Variants in AARS2 observed in about 807,000 individuals in gnomAD.
AARS2 encodes alanine--tRNA ligase, mitochondrial.
A neutral mutation model predicts 119.7 loss-of-function variants in AARS2; 78 were observed. The observed-to-expected ratio is 0.65, with a 90% CI of 0.54 to 0.79. The LOEUF is 0.79. Ranked by LOEUF, AARS2 falls within the 30% of genes least tolerant of loss-of-function variation. The pLI is 0.00. For missense variants in AARS2, 1,157 were observed against 1,291.3 expected (o/e 0.90, Z 1.59); for synonymous variants, 502 against 526.3 (o/e 0.95, Z 0.63).
chr6:44,303,006 A>T (rs1785490197), intron 16 of AARS2, 60 bp downstream of exon 16: 2 of 1,607,308 alleles, frequency 1.2e-6, no homozygotes, highest in South Asian at 2.2e-5. Flanking sequence ...GGCTCCAAAG[A>T]CCAAGGGAAG....
chr6:44,313,177 G>C lies in AARS2; in HGVS notation c.147C>G (p.Phe49Leu). Residue 49 changes from phenylalanine to leucine, a missense_variant, in exon 1 of 22, where the codon TTC becomes TTG. Transcript: ENST00000244571. ...ASAVRAAFLN[F>L]FRDRHGHRLV... is the part of the protein sequence containing the mutation. Reference sequence around the variant, plus strand: ...GCCGGTGGCCATGGCGGTCCCGAAAGAAGTTCAGAAAGGCGGCCCTCACGG... The same window carrying C: ...GCCGGTGGCCATGGCGGTCCCGAAACAAGTTCAGAAAGGCGGCCCTCACGG... 1 of 1,612,910 alleles carries C rather than the reference G, an allele frequency of 6.2e-7. No individual in the cohort carries two copies. Among genetic ancestry groups the C allele is most frequent in the Non-Finnish European group, 8.5e-7 (1 of 1,179,708 alleles).
In AARS2 at chr6:44,300,348, G is replaced by A. The variant is rs1196455806; in HGVS notation, c.*199C>T. The stretch of plus-strand genomic sequence containing the variant: ...GTCTTCTCTTTCACCAAGGGGGTGT[G>A]TGTCTTTGGGCCCAGTTCTGCCTTC... On this transcript the variant is annotated 3_prime_UTR_variant, in exon 22 of 22. Coordinates refer to ENST00000244571, the MANE Select transcript of AARS2 (RefSeq NM_020745.4). 1 of 678,302 alleles carries A rather than the reference G, an allele frequency of 1.5e-6. No individual in the cohort carries two copies. Among genetic ancestry groups the A allele is most frequent in the Non-Finnish European group, 2.6e-6 (1 of 391,888 alleles). The allele number at this position is 678,302 out of a possible 1,614,324, so 42.0% of individuals were successfully genotyped here. A position where few individuals can be genotyped will look rare whatever the true frequency, so the allele number is the denominator to read the frequency against.
chr6:44,312,649 T>C (rs1372764283), intron 1 of AARS2, among the ~76,000 whole-genome samples: 1 of 152,158 alleles, frequency 6.6e-6, no homozygotes, highest in Admixed American at 6.5e-5. Flanking sequence ...AGACGGCCTC[T>C]AAGGTTAACT....
Position 44,311,090 on chromosome 6 carries a change from C to T in AARS2, c.653G>A (p.Cys218Tyr), listed in dbSNP as rs1300003261. ...NFWEMGDTGP[C>Y]GPCTEIHYDL... ...GTAGTGGATCTCAGTACAGGGCCCACAAGGGCCAGTATCCCCCATCTCCCA... is the reference window on the plus strand; with the variant it reads ...GTAGTGGATCTCAGTACAGGGCCCATAAGGGCCAGTATCCCCCATCTCCCA... The change falls in exon 4 of 22, where the codon TGT (cysteine) becomes TAT (tyrosine). Residue 218 changes from cysteine to tyrosine, a missense_variant. Cys to Tyr is a radical substitution (Grantham distance 194, BLOSUM62 -2). Coordinates refer to ENST00000244571, the MANE Select transcript of AARS2 (RefSeq NM_020745.4). The T allele has an allele frequency of 6.2e-7, 1 of 1,613,968 alleles. No individual in the cohort carries two copies. The highest frequency in any genetic ancestry group is 1.3e-5 in the African/African-American group (1 of 74,932).
In AARS2 at chr6:44,307,412, C is replaced by T. The variant is rs1173146246; in HGVS notation, c.895-18G>A. On this transcript the variant is annotated intron_variant, in intron 5 of 21. Transcript: ENST00000244571. This position sits in a 1 kb window ranked among gnomAD's most constrained non-coding sequence, Gnocchi z 4.4. ...CTGCAGCCCTGGGAAGCAGAAGAGT[C>T]AGCCAGTGGCCCTGCCTGACCTGGC... 12 of 1,589,730 alleles carry T rather than the reference C, an allele frequency of 7.5e-6. No individual in the cohort carries two copies. Among genetic ancestry groups the T allele is most frequent in the Non-Finnish European group, 1.0e-5 (12 of 1,170,196 alleles).
Position 44,306,349 on chromosome 6 carries a change from A to C in AARS2, c.1231T>G (p.Ser411Ala). The change falls in exon 9 of 22, where the codon TCC becomes GCC. Residue 411 changes from serine (S) to alanine (A), a missense_variant. Physicochemically the swap from Ser to Ala is moderately conservative, Grantham distance 99. Transcript: ENST00000244571. ...VSEDEAAFLA[S>A]LERGRRIIDR... ...ATGATCCGCCTACCCCGCTCCAGGG[A>C]GGCCAGGAAGGCTGCCTCGTCCTCT... The C allele has an allele frequency of 2.5e-6, 4 of 1,614,178 alleles. No individual in the cohort carries two copies. The highest frequency in any genetic ancestry group is 3.4e-6 in the Non-Finnish European group (4 of 1,180,018).
At chr6:44,300,744 G>A (rs1200150307) in intron 21 of AARS2, 33 bp from the exon 22 acceptor site, 3 of 1,606,784 alleles carry the variant, frequency 1.9e-6, no homozygotes, top group African/African-American at 2.7e-5. Context: ...AAGCGATGCA[G>A]AGTGGCCCTC....
Position 44,305,679 on chromosome 6 carries a change from C to T in AARS2, c.1408G>A (p.Glu470Lys), listed in dbSNP as rs863223863. 6.2e-7 allele frequency: 1 copy of T among 1,614,134 alleles called. No homozygotes were observed. The highest frequency in any genetic ancestry group is 8.5e-7 in the Non-Finnish European group (1 of 1,180,028). The change falls in exon 10 of 22, where the codon GAG becomes AAG. Residue 470 changes from glutamate to lysine, a missense_variant. Physicochemically the swap from Glu to Lys is moderately conservative, Grantham distance 56. Transcript: ENST00000244571. The surrounding 1 kb of genome is among the most constrained non-coding windows in gnomAD (Gnocchi z 4.6). Reference sequence around the variant, plus strand: ...TGGGCCTCCTCTTGGGCCAACCGCTCCAGTCCAGCGGAGTCTAGCTGGACC... The same window carrying T: ...TGGGCCTCCTCTTGGGCCAACCGCTTCAGTCCAGCGGAGTCTAGCTGGACC... ...KGVQLDSAGL[E>K]RLAQEEAQHR... is the part of the protein sequence containing the mutation.
At position 44,310,855 on chromosome 6, in the gene AARS2, A is replaced by G. The variant is rs10807297; in HGVS notation, c.749+139T>C. 0.17 allele frequency: 172,947 copies of G among 1,022,028 alleles called. 16,516 individuals are homozygous for G. Among genetic ancestry groups the G allele is most frequent in the East Asian group, 0.34 (13,795 of 40,596 alleles). The allele number at this position is 1,022,028 out of a possible 1,614,324, so 63.3% of individuals were successfully genotyped here. A position where few individuals can be genotyped will look rare whatever the true frequency, so the allele number is the denominator to read the frequency against. On this transcript the variant is annotated intron_variant, in intron 4 of 21. Coordinates refer to ENST00000244571, the MANE Select transcript of AARS2 (RefSeq NM_020745.4). The stretch of plus-strand genomic sequence containing the variant: ...TACAATTAAATCAGTTATTATCTAT[A>G]AGGTGTTGAGAATTGTGCCTGACAC...
chr6:44,307,205 A>AC lies in AARS2; in HGVS notation c.1040+43dup. The AC allele has an allele frequency of 1.2e-6, 2 of 1,612,584 alleles. No homozygotes were observed. Among genetic ancestry groups the AC allele is most frequent in the Non-Finnish European group, 1.7e-6 (2 of 1,179,520 alleles). The stretch of plus-strand genomic sequence containing the variant: ...CTGTTCCCTCCCTCCTCCACCTGAG[A>AC]CCCCCAGCAGCCCCTGTCCTCTCTG... On this transcript the variant is annotated intron_variant, in intron 6 of 21. Coordinates refer to ENST00000244571, the MANE Select transcript of AARS2 (RefSeq NM_020745.4). The surrounding 1 kb of genome is among the most constrained non-coding windows in gnomAD (Gnocchi z 4.4).
intron 5 of AARS2, among the ~76,000 whole-genome samples, 199 bp downstream of exon 5, chr6:44,310,100 G>C (rs1042437344): frequency 6.6e-6 from 1 of 152,194 alleles, no homozygotes; most frequent in Non-Finnish European, 1.5e-5. Flanking sequence ...CTAAATAAAT[G>C]AAAGAGGCAA....
In AARS2 at chr6:44,305,545, A is replaced by G; in HGVS notation, c.1434+108T>C. The G allele has an allele frequency of 2.0e-5, 31 of 1,549,832 alleles. No homozygotes were observed. Among genetic ancestry groups the G allele is most frequent in the Non-Finnish European group, 2.7e-5 (31 of 1,127,812 alleles). On this transcript the variant is annotated intron_variant, in intron 10 of 21. Coordinates refer to ENST00000244571, the MANE Select transcript of AARS2 (RefSeq NM_020745.4). This position sits in a 1 kb window ranked among gnomAD's most constrained non-coding sequence, Gnocchi z 4.6. The stretch of plus-strand genomic sequence containing the variant: ...CCTCCCAGGTGAGGGGACAGATCCT[A>G]TCTCAGCCTCTTGATTCCTCTCAAT...
rs766316222 is a variant in AARS2, at chr6:44,313,312, T to G, written c.12A>C (p.Ser4=). The G allele has an allele frequency of 4.4e-6, 7 of 1,602,076 alleles. No homozygotes were observed. Among genetic ancestry groups the G allele is most frequent in the Non-Finnish European group, 5.1e-6 (6 of 1,178,714 alleles). Residue 4 remains serine, a synonymous_variant, in exon 1 of 22, where the codon TCA becomes TCC. Transcript: ENST00000244571. ...GCAGCCTCCGGGCTGCAGCTGCCACTGACGCTGCCATCGTAGCTCCGGGCA... is the reference window on the plus strand; with the variant it reads ...GCAGCCTCCGGGCTGCAGCTGCCACGGACGCTGCCATCGTAGCTCCGGGCA... MAA[S]VAAAARRLRR...
chr6:44,308,583 G>C (rs1239755091), intron 5 of AARS2, among the ~76,000 whole-genome samples: 1 of 151,604 alleles, frequency 6.6e-6, no homozygotes, highest in African/African-American at 2.4e-5. Flanking sequence ...AGTGTGGCAT[G>C]ATCTGATGTA....
Position 44,302,379 on chromosome 6 carries a change from C to A in AARS2, c.2487+12G>T, listed in dbSNP as rs769039074. The A allele has an allele frequency of 1.2e-6, 2 of 1,613,984 alleles. No individual in the cohort carries two copies. Among genetic ancestry groups the A allele is most frequent in the South Asian group, 2.2e-5 (2 of 91,070 alleles). ...GGCTAGGAGAGGGTGGGGTGGTAGGCGTGGCCCTCACTTCAATGAGTCGTC... is the reference window on the plus strand; with the variant it reads ...GGCTAGGAGAGGGTGGGGTGGTAGGAGTGGCCCTCACTTCAATGAGTCGTC... On this transcript the variant is annotated intron_variant, in intron 18 of 21. Coordinates refer to ENST00000244571, the MANE Select transcript of AARS2 (RefSeq NM_020745.4).
At position 44,305,837 on chromosome 6, in the gene AARS2, G is replaced by A; in HGVS notation, c.1301-51C>T. Reference sequence around the variant, plus strand: ...TTGAGGAGGGGAGGGATTAGACAAAGAAGGGGAGAAAAATAAGGTCCAGGG... The same window carrying A: ...TTGAGGAGGGGAGGGATTAGACAAAAAAGGGGAGAAAAATAAGGTCCAGGG... On this transcript the variant is annotated intron_variant, in intron 9 of 21. Coordinates refer to ENST00000244571, the MANE Select transcript of AARS2 (RefSeq NM_020745.4). The surrounding 1 kb of genome is among the most constrained non-coding windows in gnomAD (Gnocchi z 4.6). 1 of 1,608,098 alleles carries A rather than the reference G, an allele frequency of 6.2e-7. No homozygotes were observed. Among genetic ancestry groups the A allele is most frequent in the Non-Finnish European group, 8.5e-7 (1 of 1,175,036 alleles).
chr6:44,299,222 T>TC lies in AARS2; in HGVS notation c.*1324dup, dbSNP rs1159309067. On this transcript the variant is annotated 3_prime_UTR_variant, in exon 22 of 22. Coordinates refer to ENST00000244571, the MANE Select transcript of AARS2 (RefSeq NM_020745.4). ...ACACTCCTGATCCCCATTCTCTATT[T>TC]CCCCCCCAGACCTCATCACCATCTG... Among the ~76,000 whole-genome samples, 13 of 150,836 alleles carry TC rather than the reference T, an allele frequency of 8.6e-5. No individual in the cohort carries two copies. Among genetic ancestry groups the TC allele is most frequent in the East Asian group, 2.0e-4 (1 of 4,988 alleles).
chr6:44,301,284 G>A lies in AARS2; in HGVS notation c.2683-18C>T. The A allele has an allele frequency of 6.2e-7, 1 of 1,613,870 alleles. No individual in the cohort carries two copies. The highest frequency in any genetic ancestry group is 1.1e-5 in the South Asian group (1 of 91,078). On this transcript the variant is annotated intron_variant, in intron 20 of 21. Coordinates refer to ENST00000244571, the MANE Select transcript of AARS2 (RefSeq NM_020745.4). ...ACCAGCACCTGGACCACGAAAGACAGATGGTGAGCCCATCGCTTCCCAGAC... is the reference window on the plus strand; with the variant it reads ...ACCAGCACCTGGACCACGAAAGACAAATGGTGAGCCCATCGCTTCCCAGAC...
chr6:44,300,844 G>A (rs1785293634), intron 21 of AARS2, 133 bp from the exon 22 acceptor site: 2 of 1,183,534 alleles, frequency 1.7e-6, no homozygotes, highest in Non-Finnish European at 2.4e-6. Flanking sequence ...GGGGCAGTCA[G>A]GTGATGAGCC....
Sources: allele counts gnomAD v4.1 joint callset (sites outside exome capture counted in the v4.1 genomes callset), GRCh38; gene constraint gnomAD v4.1.1; non-coding constraint Gnocchi (gnomAD v3.1); transcripts MANE v1.5; gene names NCBI Gene and HGNC (gene_info 2026-07-23, HGNC 2026-07-21).